The following FNBP1L variants were observed in gnomAD, a reference collection of about 807,000 sequenced individuals.
FNBP1L encodes the protein formin-binding protein 1-like.
In FNBP1L, 36 loss-of-function variants were observed where a neutral mutation model predicts 91.2. That is an observed-to-expected ratio of 0.39 (90% CI 0.30 to 0.52). The LOEUF (loss-of-function observed/expected upper bound fraction) is 0.52. FNBP1L is among the 20% of genes least tolerant of loss of function. The pLI is 0.66. For synonymous variants in FNBP1L, 242 were observed against 237.0 expected (o/e 1.02, Z -0.19); for missense variants, 571 against 732.1 (o/e 0.78, Z 2.54).
chr1:93,458,085 C>A (rs963313611), intron 1 of FNBP1L, among the ~76,000 whole-genome samples: 1 of 152,072 alleles, frequency 6.6e-6, no homozygotes, highest in East Asian at 1.9e-4. Flanking sequence ...CCACGACGCC[C>A]GGCCGGAAAC....
At chr1:93,540,984 A>G (rs1289474717) in intron 10 of FNBP1L, 58 bp from the exon 11 acceptor site, 20 of 1,480,552 alleles carry the variant, frequency 1.4e-5, no homozygotes, top group Non-Finnish European at 1.8e-5. Context: ...CATCTTCTGT[A>G]TTATGGTTTC....
In FNBP1L at chr1:93,448,203, G is replaced by C; in HGVS notation, c.-79G>C. ...CGCTGAGCTGCTAGCCCGCCGGCCA[G>C]CGAGTGAGAGGTCGGACAGACTGTG... On this transcript the variant is annotated 5_prime_UTR_variant, in exon 1 of 17. Coordinates refer to ENST00000271234, the MANE Select transcript of FNBP1L (RefSeq NM_001164473.3). The C allele has an allele frequency of 6.6e-7, 1 of 1,504,142 alleles. No homozygotes were observed. The highest frequency in any genetic ancestry group is 8.9e-7 in the Non-Finnish European group (1 of 1,122,642). The allele number at this position is 1,504,142 out of a possible 1,614,324, so 93.2% of individuals were successfully genotyped here. A position where few individuals can be genotyped will look rare whatever the true frequency, so the allele number is the denominator to read the frequency against.
chr1:93,456,640 CGTG>C (rs1305707967), intron 1 of FNBP1L, among the ~76,000 whole-genome samples: 5 of 143,704 alleles, frequency 3.5e-5, no homozygotes, highest in African/African-American at 1.3e-4. Context: ...ATAAGCTGGG[CGTG>C]GTGGTGGGCA....
chr1:93,527,242 A>C (rs188966971), intron 5 of FNBP1L, among the ~76,000 whole-genome samples: 1 of 152,174 alleles, frequency 6.6e-6, no homozygotes, highest in African/African-American at 2.4e-5. Flanking sequence ...GTAGTTTTAA[A>C]TTGTATTTTA....
intron 2 of FNBP1L, among the ~76,000 whole-genome samples, chr1:93,518,644 A>G (rs1027963489): frequency 6.6e-6 from 1 of 152,224 alleles, no homozygotes; most frequent in Non-Finnish European, 1.5e-5. Context: ...CTTGTTGAAT[A>G]GAGGTACCTG....
chr1:93,455,911 A>T (rs1332488677), intron 1 of FNBP1L, among the ~76,000 whole-genome samples: 1 of 152,180 alleles, frequency 6.6e-6, no homozygotes, highest in East Asian at 1.9e-4. Flanking sequence ...GTTTTACAGA[A>T]TTTTCATTGA....
chr1:93,465,498 C>T (rs1669044670), intron 1 of FNBP1L, among the ~76,000 whole-genome samples: 1 of 152,102 alleles, frequency 6.6e-6, no homozygotes. Context: ...GTGATGGTTT[C>T]CAGCTTCATC....
Position 93,448,181 on chromosome 1 carries a change from T to G in FNBP1L, c.-101T>G. 2 of 1,455,994 alleles carry G rather than the reference T, an allele frequency of 1.4e-6. No homozygotes were observed. The highest frequency in any genetic ancestry group is 1.8e-6 in the Non-Finnish European group (2 of 1,081,794). 90.2% of individuals were successfully genotyped at this position (1,455,994 alleles called of 1,614,324 possible). On this transcript the variant is annotated 5_prime_UTR_variant, in exon 1 of 17. Coordinates refer to ENST00000271234, the MANE Select transcript of FNBP1L (RefSeq NM_001164473.3). ...GCGGCACCTTTCGAGGTAGACCCGC[T>G]GAGCTGCTAGCCCGCCGGCCAGCGA...
intron 15 of FNBP1L, among the ~76,000 whole-genome samples, chr1:93,549,877 T>C: frequency 6.6e-6 from 1 of 152,188 alleles, no homozygotes; most frequent in Middle Eastern, 3.2e-3. Flanking sequence ...ACTGAGTCCG[T>C]AGGCCACCTG....
At chr1:93,457,720 C>T (rs753826787) in intron 1 of FNBP1L, among the ~76,000 whole-genome samples, 1 of 151,592 alleles carries the variant, frequency 6.6e-6, no homozygotes. Context: ...ATAACTTAGC[C>T]CACCATTACT....
intron 1 of FNBP1L, among the ~76,000 whole-genome samples, chr1:93,470,077 T>G (rs1232157444): frequency 6.6e-6 from 1 of 152,224 alleles, no homozygotes; most frequent in Non-Finnish European, 1.5e-5. Context: ...TGTTTGGTTT[T>G]GGCATTAATT....
chr1:93,467,509 T>G (rs1669130658), intron 1 of FNBP1L, among the ~76,000 whole-genome samples: 1 of 152,128 alleles, frequency 6.6e-6, no homozygotes, highest in African/African-American at 2.4e-5. Flanking sequence ...TATCATTTAA[T>G]GGGTATAGAG....
intron 10 of FNBP1L, among the ~76,000 whole-genome samples, chr1:93,538,499 G>A (rs887185796): frequency 2.6e-5 from 4 of 152,078 alleles, no homozygotes; most frequent in African/African-American, 9.6e-5. Flanking sequence ...ACCAACTAGG[G>A]GTTTAGAGGA....
chr1:93,505,419 C>T (rs933474033), intron 2 of FNBP1L, among the ~76,000 whole-genome samples: 5 of 152,056 alleles, frequency 3.3e-5, no homozygotes, highest in African/African-American at 2.4e-5. Context: ...GACCTCACCC[C>T]GATTGGCTAG....
intron 11 of FNBP1L, among the ~76,000 whole-genome samples, chr1:93,541,661 G>T (rs1409563050): frequency 2.0e-5 from 3 of 151,996 alleles, no homozygotes; most frequent in Non-Finnish European, 2.9e-5. Flanking sequence ...CAAATTAATG[G>T]ATCTACATTA....
intron 1 of FNBP1L, among the ~76,000 whole-genome samples, chr1:93,469,105 C>CT (rs1669193918): frequency 2.0e-5 from 3 of 151,682 alleles, no homozygotes; most frequent in Admixed American, 2.0e-4. Flanking sequence ...TATATTTATA[C>CT]TTTAAGTTCT....
At chr1:93,482,383 A>G (rs1157497031) in intron 1 of FNBP1L, among the ~76,000 whole-genome samples, 3 of 152,168 alleles carry the variant, frequency 2.0e-5, no homozygotes, top group Admixed American at 6.5e-5. Flanking sequence ...GAGCCATTTT[A>G]TGTAAATGTT....
intron 1 of FNBP1L, among the ~76,000 whole-genome samples, chr1:93,498,260 G>A (rs534876399): frequency 3.0e-4 from 46 of 152,160 alleles, no homozygotes; most frequent in Middle Eastern, 3.4e-3. Flanking sequence ...GCTTTGAAGT[G>A]TTGTTGTTTT....
chr1:93,515,077 A>G (rs1029289301), intron 2 of FNBP1L, among the ~76,000 whole-genome samples: 3 of 152,208 alleles, frequency 2.0e-5, no homozygotes, highest in African/African-American at 7.2e-5. Flanking sequence ...TACAAGAAAA[A>G]AACAACCCCA....
Sources: gnomAD v4.1 joint callset for allele counts (sites outside exome capture counted in the v4.1 genomes callset) on GRCh38, gnomAD v4.1.1 for gene constraint, MANE v1.5 for transcripts, NCBI Gene and HGNC (gene_info 2026-07-23, HGNC 2026-07-21) for gene names.